Variants in TACR1 observed in about 807,000 individuals in gnomAD.
TACR1 encodes the protein tachykinin receptor 1.
A neutral mutation model predicts 35.8 loss-of-function variants in TACR1; 25 were observed. The observed-to-expected ratio is 0.70, with a 90% CI of 0.51 to 0.98. The LOEUF (loss-of-function observed/expected upper bound fraction) is 0.98. TACR1 is among the 50% of genes least tolerant of loss of function. The probability of loss-of-function intolerance (pLI) is 0.00; values close to 1 mark genes in which losing one functional copy is unlikely to be tolerated. For missense variants in TACR1, 478 were observed against 522.9 expected (o/e 0.91, Z 0.84); for synonymous variants, 195 against 206.7 (o/e 0.94, Z 0.48).
In TACR1 at chr2:75,079,015, T is replaced by C. The variant is rs191039988; in HGVS notation, c.585-25260A>G. 1.2e-4 allele frequency among the ~76,000 whole-genome samples: 19 copies of C among 152,300 alleles called. No individual in the cohort carries two copies. The East Asian group carries it at 3.1e-3, about 25-fold the overall frequency. ...CAAACACATCGAAACATCAAAATCC[T>C]GTCTGTGCTTGAGGTCCTACCAGTG... is the stretch of plus-strand genomic sequence containing the variant. On this transcript the variant is annotated intron_variant, in intron 2 of 4. Transcript: ENST00000305249.
At chr2:75,171,817 C>T (rs749975927) in intron 1 of TACR1, among the ~76,000 whole-genome samples, 1 of 152,196 alleles carries the variant, frequency 6.6e-6, no homozygotes, top group African/African-American at 2.4e-5. Flanking sequence ...ATGCCTTTAT[C>T]CCCGTTGTAT....
intron 1 of TACR1, among the ~76,000 whole-genome samples, chr2:75,171,158 C>T (rs1167092926): frequency 1.3e-5 from 2 of 152,298 alleles, no homozygotes; most frequent in East Asian, 3.9e-4. Context: ...TGGGCTGGGC[C>T]AGGGGCCTTG....
intron 2 of TACR1, among the ~76,000 whole-genome samples, chr2:75,095,643 C>T (rs1169435302): frequency 2.6e-5 from 4 of 152,160 alleles, no homozygotes; most frequent in Non-Finnish European, 5.9e-5. Context: ...TGGGCTTACC[C>T]TCAGGACAGG....
At chr2:75,159,969 A>G (rs1365823974) in intron 1 of TACR1, among the ~76,000 whole-genome samples, 1 of 152,240 alleles carries the variant, frequency 6.6e-6, no homozygotes. Flanking sequence ...AATACCACTC[A>G]TGAAAAGATA....
intron 1 of TACR1, among the ~76,000 whole-genome samples, chr2:75,149,340 C>G (rs1322477560): frequency 6.6e-6 from 1 of 152,138 alleles, no homozygotes. Context: ...GCAGTATGAC[C>G]ATTTTCACAA....
At chr2:75,150,545 C>T (rs1674647620) in intron 1 of TACR1, among the ~76,000 whole-genome samples, 2 of 152,148 alleles carry the variant, frequency 1.3e-5, no homozygotes, top group African/African-American at 4.8e-5. Context: ...GAAGTGGTAC[C>T]AGTGAATCTC....
At chr2:75,123,711 C>T (rs1012257430) in intron 1 of TACR1, among the ~76,000 whole-genome samples, 1 of 152,114 alleles carries the variant, frequency 6.6e-6, no homozygotes, top group Non-Finnish European at 1.5e-5. Context: ...CTCCTTTCCT[C>T]TCTTTCCTCC....
At chr2:75,185,714 T>C (rs900649264) in intron 1 of TACR1, among the ~76,000 whole-genome samples, 9 of 152,332 alleles carry the variant, frequency 5.9e-5, no homozygotes, top group Middle Eastern at 3.4e-3. Context: ...GTTGGATCTA[T>C]ATATTCTGTT....
intron 2 of TACR1, among the ~76,000 whole-genome samples, chr2:75,081,765 A>G (rs929565522): frequency 6.6e-6 from 1 of 152,126 alleles, no homozygotes; most frequent in African/African-American, 2.4e-5. Flanking sequence ...ATTTTAATTC[A>G]TCATTTATTA....
At chr2:75,139,256 T>C (rs1045612679) in intron 1 of TACR1, among the ~76,000 whole-genome samples, 2 of 152,222 alleles carry the variant, frequency 1.3e-5, no homozygotes, top group African/African-American at 4.8e-5. Flanking sequence ...ATCCATATTT[T>C]ACCCCTAAGA....
chr2:75,066,879 T>G (rs1672774366), intron 2 of TACR1, among the ~76,000 whole-genome samples: 1 of 152,214 alleles, frequency 6.6e-6, no homozygotes, highest in Non-Finnish European at 1.5e-5. Flanking sequence ...AGGACAAACA[T>G]TTAATGTGGG....
At chr2:75,169,837 A>G (rs1373537947) in intron 1 of TACR1, among the ~76,000 whole-genome samples, 1 of 152,070 alleles carries the variant, frequency 6.6e-6, no homozygotes, top group Non-Finnish European at 1.5e-5. Flanking sequence ...CTTTTTCATA[A>G]CTAATGATTT....
At chr2:75,053,535 G>A (rs1558537063) in intron 3 of TACR1, 70 bp downstream of exon 3, 4 of 1,438,408 alleles carry the variant, frequency 2.8e-6, no homozygotes, top group Non-Finnish European at 3.7e-6. Flanking sequence ...GGGCTCACAA[G>A]TGTGCCATCC....
intron 2 of TACR1, among the ~76,000 whole-genome samples, chr2:75,054,625 A>C (rs1345106477): frequency 6.6e-6 from 1 of 152,092 alleles, no homozygotes; most frequent in Non-Finnish European, 1.5e-5. Context: ...TTCAGACTTA[A>C]ATAAGGTTTT....
At chr2:75,192,497 C>A (rs1260289890) in intron 1 of TACR1, among the ~76,000 whole-genome samples, 1 of 152,096 alleles carries the variant, frequency 6.6e-6, no homozygotes, top group African/African-American at 2.4e-5. Flanking sequence ...TACAATGGCC[C>A]TGTTTGGAAA....
chr2:75,053,866 T>C (rs984651452), intron 2 of TACR1, 111 bp from the exon 3 acceptor site: 1 of 1,427,766 alleles, frequency 7.0e-7, no homozygotes, highest in Non-Finnish European at 9.6e-7. Flanking sequence ...TCTCAGCATA[T>C]GCCATTAATA....
intron 1 of TACR1, among the ~76,000 whole-genome samples, chr2:75,141,808 C>G (rs1156655960): frequency 6.6e-6 from 1 of 152,114 alleles, no homozygotes; most frequent in African/African-American, 2.4e-5. Context: ...TTTCATTGCT[C>G]TGTTTTTCAT....
intron 2 of TACR1, among the ~76,000 whole-genome samples, chr2:75,068,058 C>G (rs745789294): frequency 1.3e-5 from 2 of 152,190 alleles, no homozygotes; most frequent in Non-Finnish European, 2.9e-5. Context: ...AGTCAGGGTT[C>G]TCTGCAGAAA....
intron 2 of TACR1, among the ~76,000 whole-genome samples, chr2:75,069,194 C>T (rs1431100203): frequency 6.6e-6 from 1 of 152,178 alleles, no homozygotes; most frequent in Non-Finnish European, 1.5e-5. Flanking sequence ...GAGGACTTCC[C>T]AGCCATGTGG....
Sources: gnomAD v4.1 joint callset for allele counts (sites outside exome capture counted in the v4.1 genomes callset) on GRCh38, gnomAD v4.1.1 for gene constraint, MANE v1.5 for transcripts, NCBI Gene and HGNC (gene_info 2026-07-23, HGNC 2026-07-21) for gene names.